The following SPATC1L variants were observed in gnomAD, a reference collection of about 807,000 sequenced individuals.
SPATC1L encodes the protein speriolin-like protein.
A neutral mutation model predicts 21.2 loss-of-function variants in SPATC1L; 20 were observed. That is an observed-to-expected ratio of 0.94 (90% CI 0.66 to 1.37). The LOEUF is 1.37. SPATC1L is among the 40% of genes most tolerant of loss of function. The probability of loss-of-function intolerance (pLI) is 0.00; values close to 1 mark genes in which losing one functional copy is unlikely to be tolerated. For missense variants in SPATC1L, 499 were observed against 478.7 expected, an observed-to-expected ratio of 1.04 and a Z score of -0.40; for synonymous variants, 290 against 234.5, an observed-to-expected ratio of 1.24 and a Z score of -2.16.
At chr21:46,161,764 C>G in intron 4 of SPATC1L, 59 bp from the exon 5 acceptor site, 2 of 1,498,022 alleles carry the variant, frequency 1.3e-6, no homozygotes, top group South Asian at 2.6e-5. Context: ...CGGGGACTTC[C>G]AGGCCCAGGG....
intron 3 of SPATC1L, among the ~76,000 whole-genome samples, chr21:46,162,879 A>G (rs115654656): frequency 0.099 from 14,992 of 152,016 alleles, 1,229 homozygotes; most frequent in African/African-American, 0.22. Context: ...GAGCCACCGC[A>G]CCTGGCCCAG....
intron 2 of SPATC1L, among the ~76,000 whole-genome samples, chr21:46,170,925 T>C (rs973474231): frequency 1.3e-5 from 2 of 148,634 alleles, no homozygotes; most frequent in African/African-American, 2.6e-5. Flanking sequence ...TCCTGCTCTG[T>C]GAACATCCTC....
chr21:46,168,195 A>G (rs1201393811), intron 3 of SPATC1L, 113 bp downstream of exon 3: 2 of 642,062 alleles, frequency 3.1e-6, no homozygotes, highest in African/African-American at 3.7e-5. Context: ...TCCTCCCTCC[A>G]CTCTGTGTGA....
chr21:46,162,689 C>T (rs1255141378), intron 3 of SPATC1L, among the ~76,000 whole-genome samples: 2 of 151,250 alleles, frequency 1.3e-5, no homozygotes, highest in East Asian at 2.0e-4. Context: ...CCGGCTCAAG[C>T]GATTCTCCTG....
At position 46,161,357 on chromosome 21, in the gene SPATC1L, A is replaced by C; in HGVS notation, c.*22T>G. The C allele has an allele frequency of 6.7e-7, 1 of 1,493,650 alleles. No individual in the cohort carries two copies. The highest frequency in any genetic ancestry group is 2.3e-5 in the East Asian group (1 of 43,044). The allele number at this position is 1,493,650 out of a possible 1,614,324, so 92.5% of individuals were successfully genotyped here. A position where few individuals can be genotyped will look rare whatever the true frequency, so the allele number is the denominator to read the frequency against. Reference sequence around the variant, plus strand: ...TGGAACAAACGCGTTTACTGCAGGCAAGGCGGCGGGCGCGGGGCGGCTCAC... The same window carrying C: ...TGGAACAAACGCGTTTACTGCAGGCCAGGCGGCGGGCGCGGGGCGGCTCAC... On this transcript the variant is annotated 3_prime_UTR_variant, in exon 5 of 5. Transcript: ENST00000291672.
chr21:46,184,377 C>T lies in SPATC1L; in HGVS notation c.-980G>A. 1 of 157,584 alleles carries T rather than the reference C, an allele frequency of 6.3e-6. No individual in the cohort carries two copies. Among genetic ancestry groups the T allele is most frequent in the South Asian group, 1.5e-4 (1 of 6,810 alleles). 9.8% of individuals were successfully genotyped at this position (157,584 alleles called of 1,614,324 possible). ...TCACCTCAGTGTTGTTTCTTGGCTC[C>T]GAGGGTCTTGTTTTATCAGCAGCCG... On this transcript the variant is annotated 5_prime_UTR_variant, in exon 1 of 5. Transcript: ENST00000291672.
intron 2 of SPATC1L, among the ~76,000 whole-genome samples, chr21:46,172,631 G>C (rs146963774): frequency 2.6e-5 from 4 of 152,286 alleles, no homozygotes; most frequent in Non-Finnish European, 4.4e-5. Context: ...GAAAGTCAAG[G>C]CCAAGGCCCG....
At chr21:46,161,819 C>T (rs1601373317) in intron 4 of SPATC1L, 97 bp downstream of exon 4, 5 of 1,520,614 alleles carry the variant, frequency 3.3e-6, no homozygotes, top group African/African-American at 1.4e-5. Flanking sequence ...TCCCCTCCTG[C>T]GGACAGTGCC....
intron 2 of SPATC1L, among the ~76,000 whole-genome samples, chr21:46,174,999 A>G (rs2079622359): frequency 6.6e-6 from 1 of 152,236 alleles, no homozygotes; most frequent in Non-Finnish European, 1.5e-5. Context: ...AATCAAGCCT[A>G]AAAAATTCAC....
chr21:46,164,553 G>T (rs549665909), intron 3 of SPATC1L, among the ~76,000 whole-genome samples: 1 of 152,142 alleles, frequency 6.6e-6, no homozygotes, highest in African/African-American at 2.4e-5. Flanking sequence ...CAGCACTTTG[G>T]GAAGCCGAGG....
At chr21:46,167,844 CTTCTAGA>C (rs764708915) in intron 3 of SPATC1L, among the ~76,000 whole-genome samples, 3 of 152,136 alleles carry the variant, frequency 2.0e-5, no homozygotes, top group Non-Finnish European at 2.9e-5. Flanking sequence ...AACTATAAAA[CTTCTAGA>C]ACAACACACA....
At chr21:46,172,186 G>A (rs201241402) in intron 2 of SPATC1L, among the ~76,000 whole-genome samples, 32 of 87,686 alleles carry the variant, frequency 3.6e-4, no homozygotes, top group South Asian at 3.1e-3. Context: ...AGAGCGTGAG[G>A]CGGAGGATGC....
chr21:46,172,333 A>G (rs2839135), intron 2 of SPATC1L, among the ~76,000 whole-genome samples: 16,275 of 152,250 alleles, frequency 0.11, 1,171 homozygotes, highest in African/African-American at 0.19. Flanking sequence ...CAGGGTGTGC[A>G]GAACCCAGTG....
intron 2 of SPATC1L, among the ~76,000 whole-genome samples, chr21:46,180,630 C>A (rs112053584): frequency 2.6e-5 from 4 of 152,214 alleles, no homozygotes; most frequent in Non-Finnish European, 5.9e-5. Context: ...CCCAGTTCTG[C>A]TGAGGGCTGG....
chr21:46,172,136 T>C (rs2330403), intron 2 of SPATC1L, among the ~76,000 whole-genome samples: 89,373 of 113,610 alleles, frequency 0.79, 35,235 homozygotes, highest in East Asian at 0.99. Context: ...GCACAGAGTG[T>C]GAGGTGGGGG....
At chr21:46,171,299 A>G (rs1284526493) in intron 2 of SPATC1L, among the ~76,000 whole-genome samples, 1 of 152,200 alleles carries the variant, frequency 6.6e-6, no homozygotes, top group East Asian at 1.9e-4. Flanking sequence ...AATAAAGCAA[A>G]TACATATTAG....
At chr21:46,184,237 C>T (rs184458860) in intron 1 of SPATC1L, 119 bp downstream of exon 1, 2 of 153,762 alleles carry the variant, frequency 1.3e-5, no homozygotes, top group African/African-American at 4.8e-5. Flanking sequence ...CCCCTCGGGC[C>T]GTCACACAGG....
At position 46,182,743 on chromosome 21, in the gene SPATC1L, A is replaced by G; in HGVS notation, c.74T>C (p.Leu25Pro). The G allele has an allele frequency of 6.5e-7, 1 of 1,547,996 alleles. No individual in the cohort carries two copies. The highest frequency in any genetic ancestry group is 8.7e-7 in the Non-Finnish European group (1 of 1,146,656). ...CCGCCGCAGCATCTGATTCTCCTTC[A>G]GGAGGCGCACCTGCTTCTTCAGGTC... ...NADLKKQVRL[L>P]KENQMLRRLL... Residue 25 changes from leucine (L) to proline (P), a missense_variant, in exon 2 of 5, where the codon CTG becomes CCG. Transcript: ENST00000291672.
In SPATC1L at chr21:46,183,049, G is replaced by A; in HGVS notation, c.-233C>T. 2.0e-6 allele frequency: 1 copy of A among 504,640 alleles called. No individual in the cohort carries two copies. Among genetic ancestry groups the A allele is most frequent in the East Asian group, 3.4e-5 (1 of 29,714 alleles). 31.3% of individuals were successfully genotyped at this position (504,640 alleles called of 1,614,324 possible). A position where few individuals can be genotyped will look rare whatever the true frequency, so the allele number is the denominator to read the frequency against. ...AAGCTGGAGGCCCGTGGCGTGCACA[G>A]GCAGCCACTCCCACATTATGACCAG... On this transcript the variant is annotated 5_prime_UTR_variant, in exon 2 of 5. Coordinates refer to ENST00000291672, the MANE Select transcript of SPATC1L (RefSeq NM_001142854.2).
Sources: allele counts gnomAD v4.1 joint callset (sites outside exome capture counted in the v4.1 genomes callset), GRCh38; gene constraint gnomAD v4.1.1; transcripts MANE v1.5; gene names NCBI Gene and HGNC (gene_info 2026-07-23, HGNC 2026-07-21).